The following RAD54B variants were observed in gnomAD, a reference collection of about 807,000 sequenced individuals.
The protein encoded by RAD54B is DNA repair and recombination protein RAD54B.
Under a neutral mutation model 95.8 loss-of-function variants are expected in RAD54B, and 78 were observed. The observed-to-expected ratio is 0.81, with a 90% CI of 0.68 to 0.98. The LOEUF (loss-of-function observed/expected upper bound fraction) is 0.98. RAD54B is among the 50% of genes least tolerant of loss of function. The pLI is 0.00. For missense variants in RAD54B, 957 were observed against 1,056.6 expected (o/e 0.91, Z 1.31); for synonymous variants, 328 against 354.9 (o/e 0.92, Z 0.85).
At chr8:94,462,237 A>T (rs1292674971) in intron 2 of RAD54B, among the ~76,000 whole-genome samples, 1 of 152,170 alleles carries the variant, frequency 6.6e-6, no homozygotes, top group East Asian at 1.9e-4. Flanking sequence ...TCACTGATTA[A>T]GGTGGTGTCT....
intron 3 of RAD54B, among the ~76,000 whole-genome samples, chr8:94,426,084 C>A (rs1811935409): frequency 6.6e-6 from 1 of 152,010 alleles, no homozygotes; most frequent in Non-Finnish European, 1.5e-5. Context: ...TCCTGAGTAG[C>A]TGGGATTACA....
chr8:94,447,576 G>A (rs1437046201), intron 3 of RAD54B, among the ~76,000 whole-genome samples: 2 of 152,186 alleles, frequency 1.3e-5, no homozygotes, highest in Non-Finnish European at 2.9e-5. Context: ...TGAAAAGTAT[G>A]TGCCTGCTTC....
At chr8:94,416,456 T>C (rs535517862) in intron 3 of RAD54B, among the ~76,000 whole-genome samples, 8 of 151,728 alleles carry the variant, frequency 5.3e-5, no homozygotes, top group African/African-American at 1.9e-4. Flanking sequence ...GCATGGCACA[T>C]GTATACATAT....
At chr8:94,462,548 A>C (rs1314229676) in intron 2 of RAD54B, among the ~76,000 whole-genome samples, 2 of 152,148 alleles carry the variant, frequency 1.3e-5, no homozygotes, top group South Asian at 4.1e-4. Context: ...TTTGTCCCAG[A>C]TTTTGTATTT....
chr8:94,387,584 T>C (rs1047161784), intron 10 of RAD54B, among the ~76,000 whole-genome samples: 43 of 152,212 alleles, frequency 2.8e-4, no homozygotes, highest in African/African-American at 9.7e-4. Flanking sequence ...TATTCTCTAC[T>C]GAATTGTGGG....
intron 3 of RAD54B, among the ~76,000 whole-genome samples, chr8:94,440,283 A>T (rs1472831008): frequency 6.6e-6 from 1 of 152,150 alleles, no homozygotes; most frequent in Non-Finnish European, 1.5e-5. Flanking sequence ...ATTGATGATT[A>T]ATCTGAAATA....
At chr8:94,474,733 G>A (rs1429706960) in intron 1 of RAD54B, among the ~76,000 whole-genome samples, 1 of 152,112 alleles carries the variant, frequency 6.6e-6, no homozygotes, top group East Asian at 1.9e-4. Context: ...GGCCCCAGGG[G>A]CCACTGCCCA....
Position 94,386,978 on chromosome 8 carries a change from T to C in RAD54B, c.1985+6A>G, listed in dbSNP as rs775134474. On this transcript the variant is annotated splice_donor_region_variant and intron_variant, in intron 11 of 14. Coordinates refer to ENST00000336148, the MANE Select transcript of RAD54B (RefSeq NM_012415.3). ...AGCACTTATAAGTTTGTTAAATCGA[T>C]CTTACTTTTCAGTAGGTCGAAGTTC... 1 of 1,586,594 alleles carries C rather than the reference T, an allele frequency of 6.3e-7. No individual in the cohort carries two copies. Among genetic ancestry groups the C allele is most frequent in the South Asian group, 1.2e-5 (1 of 85,426 alleles).
chr8:94,449,345 C>A (rs7829493), intron 3 of RAD54B, among the ~76,000 whole-genome samples: 12,577 of 151,958 alleles, frequency 0.083, 928 homozygotes, highest in African/African-American at 0.18. Context: ...CAGTGGCTCA[C>A]GCCTGTAATC....
At chr8:94,406,265 A>G (rs957376412) in intron 5 of RAD54B, among the ~76,000 whole-genome samples, 1 of 152,152 alleles carries the variant, frequency 6.6e-6, no homozygotes, top group African/African-American at 2.4e-5. Context: ...CAGTTAGTTC[A>G]GTGGCAAAAC....
At chr8:94,473,577 T>C (rs1420747126) in intron 1 of RAD54B, among the ~76,000 whole-genome samples, 3 of 152,116 alleles carry the variant, frequency 2.0e-5, no homozygotes, top group Non-Finnish European at 2.9e-5. Context: ...CTGTTATAAT[T>C]AGTATTATCG....
At chr8:94,436,613 G>C in intron 3 of RAD54B, 1 of 1,550,404 alleles carries the variant, frequency 6.4e-7, no homozygotes, top group Non-Finnish European at 8.7e-7. Context: ...GTCTCTTTTT[G>C]CTGCAATAGC....
chr8:94,387,410 A>C, intron 10 of RAD54B: 3 of 299,572 alleles, frequency 1.0e-5, no homozygotes, highest in Non-Finnish European at 1.8e-5. Context: ...CAAGTGTAGT[A>C]TTAATATTTC....
rs186810274 is a variant in RAD54B, at chr8:94,397,275, T to C, written c.1378+2139A>G. ...ATGTACTTTCATAATAAGGAACAAA[T>C]CATCTTGGGGTAAAACGTCCTGCCC... On this transcript the variant is annotated intron_variant, in intron 8 of 14. Coordinates refer to ENST00000336148, the MANE Select transcript of RAD54B (RefSeq NM_012415.3). Among the ~76,000 whole-genome samples the C allele has an allele frequency of 2.0e-5, 3 of 152,236 alleles. No homozygotes were observed. In the East Asian group the frequency reaches 5.8e-4, roughly 29 times the overall value.
chr8:94,439,754 G>T (rs960129144), intron 3 of RAD54B, among the ~76,000 whole-genome samples: 1 of 152,194 alleles, frequency 6.6e-6, no homozygotes, highest in Non-Finnish European at 1.5e-5. Flanking sequence ...GAGTTTATCT[G>T]AAGACCTGGG....
chr8:94,460,157 CA>C (rs35298354), intron 2 of RAD54B, among the ~76,000 whole-genome samples: 81,427 of 146,298 alleles, frequency 0.56, 23,726 homozygotes, highest in East Asian at 0.79. Flanking sequence ...GACTCCGTCT[CA>C]AAAAAAAAAA....
intron 3 of RAD54B, among the ~76,000 whole-genome samples, chr8:94,458,046 AC>A (rs1812817392): frequency 6.6e-6 from 1 of 152,218 alleles, no homozygotes; most frequent in South Asian, 2.1e-4. Flanking sequence ...TTTATAATCA[AC>A]AGTCTTAAGC....
chr8:94,424,902 A>C (rs1392551093), intron 3 of RAD54B, among the ~76,000 whole-genome samples: 1 of 151,914 alleles, frequency 6.6e-6, no homozygotes, highest in African/African-American at 2.4e-5. Flanking sequence ...TCTCTATAAA[A>C]AATACAAATA....
chr8:94,470,864 C>T (rs1315897474), intron 1 of RAD54B, among the ~76,000 whole-genome samples: 1 of 152,056 alleles, frequency 6.6e-6, no homozygotes, highest in African/African-American at 2.4e-5. Flanking sequence ...AATTATGGTA[C>T]ACCCACACAA....
Sources: gnomAD v4.1 joint callset for allele counts (sites outside exome capture counted in the v4.1 genomes callset) on GRCh38, gnomAD v4.1.1 for gene constraint, MANE v1.5 for transcripts, NCBI Gene and HGNC (gene_info 2026-07-23, HGNC 2026-07-21) for gene names.